GPLD1: variants seen among roughly 807,000 people sequenced by gnomAD.
GPLD1 encodes the protein phosphatidylinositol-glycan-specific phospholipase D.
A neutral mutation model predicts 112.6 loss-of-function variants in GPLD1; 84 were observed. The observed-to-expected ratio is 0.75, with a 90% confidence interval of 0.63 to 0.89. The LOEUF (loss-of-function observed/expected upper bound fraction) is 0.89, where lower values mean the gene tolerates loss of function less well. GPLD1 is among the 40% of genes least tolerant of loss of function. The pLI is 0.00. For missense variants in GPLD1, 1,044 were observed against 1,051.5 expected (o/e 0.99, Z 0.10); for synonymous variants, 386 against 403.8 (o/e 0.96, Z 0.53).
chr6:24,483,768 G>A (rs1764279512), intron 2 of GPLD1, among the ~76,000 whole-genome samples: 1 of 151,982 alleles, frequency 6.6e-6, no homozygotes, highest in South Asian at 2.1e-4. Context: ...AACTTATGGA[G>A]AGTCTCGTTC....
At position 24,437,143 on chromosome 6, in the gene GPLD1, G is replaced by A. The variant is rs147545119; in HGVS notation, c.2167C>T (p.His723Tyr). The A allele has an allele frequency of 1.9e-6, 3 of 1,614,186 alleles. No individual in the cohort carries two copies. Among genetic ancestry groups the A allele is most frequent in the Non-Finnish European group, 2.5e-6 (3 of 1,179,982 alleles). ...CCATCATCATCCAGGTCACTCAAGT[G>A]CAGAACGCCACCAAATCGGGAGAAG... is the stretch of plus-strand genomic sequence containing the variant. ...RRFSRFGGVL[H>Y]LSDLDDDGLD... The change falls in exon 21 of 25, where the codon CAC (histidine) becomes TAC (tyrosine). Residue 723 changes from histidine (H) to tyrosine (Y), a missense_variant. Coordinates refer to ENST00000230036, the MANE Select transcript of GPLD1 (RefSeq NM_001503.4).
At chr6:24,459,826 T>C (rs1763377908) in intron 12 of GPLD1, among the ~76,000 whole-genome samples, 1 of 152,212 alleles carries the variant, frequency 6.6e-6, no homozygotes, top group Admixed American at 6.5e-5. Flanking sequence ...TTGGCCTGGG[T>C]GCCCAGGGTC....
At chr6:24,472,871 G>A (rs190473653) in intron 6 of GPLD1, among the ~76,000 whole-genome samples, 18 of 151,966 alleles carry the variant, frequency 1.2e-4, no homozygotes, top group Admixed American at 5.9e-4. Context: ...CGCCTCCTGG[G>A]TTCAAGCAAT....
chr6:24,437,031 G>C, intron 21 of GPLD1, 82 bp downstream of exon 21: 1 of 1,237,244 alleles, frequency 8.1e-7, no homozygotes, highest in Non-Finnish European at 1.2e-6. Context: ...TATAAGGGCA[G>C]AGCCCAGATG....
intron 11 of GPLD1, among the ~76,000 whole-genome samples, chr6:24,461,035 G>A (rs1408581006): frequency 2.0e-5 from 3 of 152,034 alleles, no homozygotes; most frequent in African/African-American, 4.8e-5. Context: ...GAGCCATCAC[G>A]CCCAGCCAGC....
intron 10 of GPLD1, among the ~76,000 whole-genome samples, chr6:24,464,512 T>C (rs1435085927): frequency 2.0e-5 from 3 of 152,214 alleles, no homozygotes; most frequent in Non-Finnish European, 4.4e-5. Context: ...GTTTATTATG[T>C]ACCAAGCTAA....
chr6:24,462,740 G>A lies in GPLD1; in HGVS notation c.877C>T (p.His293Tyr), dbSNP rs1396490412. 1 of 1,611,680 alleles carries A rather than the reference G, an allele frequency of 6.2e-7. No individual in the cohort carries two copies. Among genetic ancestry groups the A allele is most frequent in the Non-Finnish European group, 8.5e-7 (1 of 1,177,802 alleles). ...TTGGAATCCACTTACCCCTGGGTGT[G>A]GTTTTGCTGGCCGCCACATGCAATG... ...LFIACGGQQN[H>Y]TQGSKMQKND... Residue 293 changes from histidine (H) to tyrosine (Y), a missense_variant, in exon 11 of 25, where the codon CAC becomes TAC. His to Tyr is a moderately conservative substitution (Grantham distance 83). Coordinates refer to ENST00000230036, the MANE Select transcript of GPLD1 (RefSeq NM_001503.4).
At chr6:24,459,097 T>C (rs1440833521) in intron 12 of GPLD1, among the ~76,000 whole-genome samples, 1 of 152,060 alleles carries the variant, frequency 6.6e-6, no homozygotes, top group Non-Finnish European at 1.5e-5. Flanking sequence ...CTACTCAGAT[T>C]TCCCAACACC....
intron 22 of GPLD1, 65 bp downstream of exon 22, chr6:24,436,511 T>G: frequency 1.4e-6 from 2 of 1,394,308 alleles, no homozygotes; most frequent in Non-Finnish European, 2.0e-6. Context: ...TGGACATGAG[T>G]TAACAAGGAA....
downstream of GPLD1, chr6:24,424,560 TC>T (rs1048598951): frequency 6.6e-6 from 1 of 152,216 alleles, no homozygotes; most frequent in Non-Finnish European, 1.5e-5. Flanking sequence ...AACTGTGATA[TC>T]TTCTCATTTC....
At chr6:24,480,325 G>A (rs1375524692) in intron 2 of GPLD1, among the ~76,000 whole-genome samples, 2 of 151,376 alleles carry the variant, frequency 1.3e-5, no homozygotes, top group African/African-American at 2.4e-5. Flanking sequence ...TTTTGTTGCT[G>A]TTGTTGTTTG....
Position 24,445,496 on chromosome 6 carries a change from A to G in GPLD1, c.2020+50T>C, listed in dbSNP as rs773137343. The G allele has an allele frequency of 4.1e-6, 5 of 1,226,480 alleles. No individual in the cohort carries two copies. In the South Asian group the frequency reaches 6.1e-5, roughly 15 times the overall value. The allele number at this position is 1,226,480 out of a possible 1,614,324, so 76.0% of individuals were successfully genotyped here. ...CACTTTCCTCCAATACGACATGTAC[A>G]AGCAGCCACATGACTGAAAGGAAGC... On this transcript the variant is annotated intron_variant, in intron 20 of 24. Transcript: ENST00000230036.
At chr6:24,472,195 A>G (rs2817247) in intron 7 of GPLD1, among the ~76,000 whole-genome samples, 130,193 of 152,202 alleles carry the variant, frequency 0.86, 56,257 homozygotes, top group Non-Finnish European at 0.9. Flanking sequence ...AGAAAAGTGT[A>G]ACCTCATTAG....
At chr6:24,468,938 C>G (rs536322415) in intron 7 of GPLD1, among the ~76,000 whole-genome samples, 1 of 152,340 alleles carries the variant, frequency 6.6e-6, no homozygotes, top group Admixed American at 6.5e-5. Flanking sequence ...CTTGGCAAAA[C>G]AAACTTCCTA....
chr6:24,438,026 A>G (rs1762635106), intron 20 of GPLD1, among the ~76,000 whole-genome samples: 1 of 152,122 alleles, frequency 6.6e-6, no homozygotes, highest in Admixed American at 6.6e-5. Flanking sequence ...CCCACAAAAC[A>G]TGGGCAAGTG....
At chr6:24,455,545 T>A (rs1007598809) in intron 13 of GPLD1, among the ~76,000 whole-genome samples, 5 of 152,228 alleles carry the variant, frequency 3.3e-5, no homozygotes, top group South Asian at 2.1e-4. Context: ...TTTATTTTTT[T>A]ATTTATTTTG....
intron 3 of GPLD1, among the ~76,000 whole-genome samples, chr6:24,479,345 T>C (rs1039652904): frequency 6.6e-6 from 1 of 152,202 alleles, no homozygotes; most frequent in Non-Finnish European, 1.5e-5. Context: ...AATAAATCTG[T>C]CTTTGACTGT....
intron 13 of GPLD1, among the ~76,000 whole-genome samples, chr6:24,456,151 G>A (rs1234036346): frequency 6.6e-6 from 1 of 152,080 alleles, no homozygotes; most frequent in East Asian, 1.9e-4. Context: ...GCAATCCCAG[G>A]ACTTTGGGAG....
Position 24,426,249 on chromosome 6 carries a change from T to C in GPLD1, c.*2783A>G. The C allele has an allele frequency of 6.6e-6, 1 of 152,260 alleles. No individual in the cohort carries two copies. The highest frequency in any genetic ancestry group is 1.9e-4 in the East Asian group (1 of 5,204). 9.4% of individuals were successfully genotyped at this position (152,260 alleles called of 1,614,324 possible). On this transcript the variant is annotated 3_prime_UTR_variant, in exon 25 of 25. Transcript: ENST00000230036. ...TTACAACCCTACAAGGTAAGGTCTT[T>C]ACATTTTAGTTATTAAGCAGAATCA...
Sources: allele counts gnomAD v4.1 joint callset (sites outside exome capture counted in the v4.1 genomes callset), GRCh38; gene constraint gnomAD v4.1.1; transcripts MANE v1.5; gene names NCBI Gene and HGNC (gene_info 2026-07-23, HGNC 2026-07-21).